The following PCDH7 variants were observed in gnomAD, a reference collection of about 807,000 sequenced individuals.
PCDH7 encodes the protein protocadherin 7.
A neutral mutation model predicts 58.9 loss-of-function variants in PCDH7; 17 were observed. The observed-to-expected ratio is 0.29, with a 90% CI of 0.20 to 0.43. The LOEUF is 0.43. Among genes scored for constraint, PCDH7 ranks in the 20% least tolerant of loss-of-function variants. The probability of loss-of-function intolerance (pLI) is 1.00; values close to 1 mark genes in which losing one functional copy is unlikely to be tolerated. For synonymous variants in PCDH7, 664 were observed against 616.4 expected, an observed-to-expected ratio of 1.08 and a Z score of -1.14; for missense variants, 1,274 against 1,441.0, an observed-to-expected ratio of 0.88 and a Z score of 1.88.
chr4:31,015,220 G>A (rs1753509952), intron 3 of PCDH7, among the ~76,000 whole-genome samples: 2 of 152,060 alleles, frequency 1.3e-5, no homozygotes, highest in African/African-American at 4.8e-5. Flanking sequence ...GTCTTTTTCT[G>A]TCAGAAAATC....
At chr4:31,106,021 A>AT (rs1553852435) in intron 3 of PCDH7, among the ~76,000 whole-genome samples, 12,809 of 100,538 alleles carry the variant, frequency 0.13, 1,380 homozygotes, top group East Asian at 0.43. Context: ...AAAGAAAAAA[A>AT]AAATATATAT....
intron 3 of PCDH7, among the ~76,000 whole-genome samples, chr4:31,023,118 T>A (rs923043634): frequency 5.3e-5 from 8 of 152,126 alleles, no homozygotes; most frequent in Non-Finnish European, 1.0e-4. Flanking sequence ...ACTTCTGAAT[T>A]TAAGGAGATA....
At chr4:30,968,833 C>G (rs1041321576) in intron 3 of PCDH7, among the ~76,000 whole-genome samples, 9 of 152,080 alleles carry the variant, frequency 5.9e-5, no homozygotes, top group Non-Finnish European at 1.3e-4. Flanking sequence ...TAGGATAACT[C>G]CAGGTTCTGA....
rs1315752424 is a variant in PCDH7 at position 30,822,481 on chromosome 4, G to A, written c.71-97672G>A. ...TGCTGCATTTTCATCTTTGGTTTGT[G>A]TTATTATTTTTCTGCCTGTTAAATG... On this transcript the variant is annotated intron_variant, in intron 1 of 3. Coordinates refer to the PCDH7 transcript ENST00000509759. Among the ~76,000 whole-genome samples, 4 of 152,118 alleles carry A rather than the reference G, an allele frequency of 2.6e-5. No individual in the cohort carries two copies. In the East Asian group the frequency reaches 7.7e-4, roughly 29 times the overall value.
intron 3 of PCDH7, among the ~76,000 whole-genome samples, chr4:31,106,035 T>TAC (rs1209358886): frequency 6.6e-6 from 1 of 150,738 alleles, no homozygotes; most frequent in African/African-American, 2.4e-5. Flanking sequence ...TATATATATA[T>TAC]ATGTATATAT....
chr4:31,075,159 C>CTTT (rs55717828), intron 3 of PCDH7, among the ~76,000 whole-genome samples: 13,522 of 152,046 alleles, frequency 0.089, 694 homozygotes, highest in South Asian at 0.18. Context: ...CAGAAAGCCT[C>CTTT]TTTTTTTGTT....
downstream of PCDH7, among the ~76,000 whole-genome samples, chr4:30,734,262 T>A (rs1027190013): frequency 6.6e-6 from 1 of 151,818 alleles, no homozygotes; most frequent in South Asian, 2.1e-4. Context: ...AGACATAGTC[T>A]GGCTCCATTG....
chr4:31,017,770 C>T (rs1029221783), intron 3 of PCDH7, among the ~76,000 whole-genome samples: 1 of 151,964 alleles, frequency 6.6e-6, no homozygotes, highest in African/African-American at 2.4e-5. Context: ...AGATAAAGAA[C>T]TCTTTTTAGA....
intron 3 of PCDH7, among the ~76,000 whole-genome samples, chr4:30,997,112 A>G (rs1488948985): frequency 2.0e-5 from 3 of 150,906 alleles, no homozygotes; most frequent in Non-Finnish European, 4.4e-5. Context: ...TCAGTGTACT[A>G]TTTCTGAAAG....
intron 3 of PCDH7, among the ~76,000 whole-genome samples, chr4:31,008,907 A>G (rs937483825): frequency 6.6e-6 from 1 of 152,006 alleles, no homozygotes; most frequent in Non-Finnish European, 1.5e-5. Context: ...AAATTTGCAG[A>G]GTTATGTAAT....
downstream of PCDH7, chr4:31,146,156 G>C (rs1720658185): frequency 6.6e-6 from 1 of 152,002 alleles, no homozygotes; most frequent in African/African-American, 2.4e-5. Context: ...GAGGAACTAA[G>C]ATGGTACTGA....
intron 1 of PCDH7, among the ~76,000 whole-genome samples, chr4:30,826,133 T>C (rs1729064926): frequency 1.3e-5 from 2 of 152,322 alleles, no homozygotes; most frequent in Non-Finnish European, 2.9e-5. Context: ...TGGCAGATCA[T>C]AAGTTCTATT....
intron 1 of PCDH7, among the ~76,000 whole-genome samples, chr4:30,728,245 TTGTGTG>T (rs138265687): frequency 6.8e-6 from 1 of 146,466 alleles, no homozygotes; most frequent in African/African-American, 2.5e-5. Context: ...GTCAATTCAT[TTGTGTG>T]TGTGTGTGTG....
intron 3 of PCDH7, among the ~76,000 whole-genome samples, chr4:31,008,355 G>C (rs1285427008): frequency 1.3e-5 from 2 of 152,076 alleles, no homozygotes; most frequent in Non-Finnish European, 2.9e-5. Flanking sequence ...AGAATGATAT[G>C]ATGGTTCGTA....
At chr4:31,017,638 A>G (rs550091807) in intron 3 of PCDH7, among the ~76,000 whole-genome samples, 1 of 152,266 alleles carries the variant, frequency 6.6e-6, no homozygotes, top group Admixed American at 6.5e-5. Context: ...CACTACCACC[A>G]AAAAGCAACA....
intron 1 of PCDH7, among the ~76,000 whole-genome samples, chr4:30,772,148 G>A (rs977981391): frequency 3.9e-5 from 6 of 152,162 alleles, no homozygotes; most frequent in South Asian, 2.1e-4. Flanking sequence ...GGGATTACAG[G>A]CGTGAGCCAC....
intron 1 of PCDH7, among the ~76,000 whole-genome samples, chr4:30,802,906 CAGG>C (rs1179882333): frequency 1.3e-5 from 2 of 152,020 alleles, no homozygotes; most frequent in African/African-American, 4.8e-5. Flanking sequence ...CTTGGCAGCC[CAGG>C]AGGAGGAGGA....
chr4:31,049,909 T>C (rs1756601876), intron 3 of PCDH7, among the ~76,000 whole-genome samples: 1 of 152,164 alleles, frequency 6.6e-6, no homozygotes, highest in South Asian at 2.1e-4. Flanking sequence ...TGGGATTATC[T>C]CTGCAGACAC....
intron 3 of PCDH7, among the ~76,000 whole-genome samples, chr4:31,092,986 T>C (rs541916006): frequency 2.0e-5 from 3 of 152,224 alleles, no homozygotes; most frequent in South Asian, 2.1e-4. Context: ...TGAATGACCA[T>C]TTTAAAGCTT....
Sources: gnomAD v4.1 joint callset for allele counts (sites outside exome capture counted in the v4.1 genomes callset) on GRCh38, gnomAD v4.1.1 for gene constraint, MANE v1.5 for transcripts, NCBI Gene and HGNC (gene_info 2026-07-23, HGNC 2026-07-21) for gene names.